The following GPR158 variants were observed in gnomAD, a reference collection of about 807,000 sequenced individuals.
GPR158 encodes the protein G protein-coupled receptor 158.
Under a neutral mutation model 78.2 loss-of-function variants are expected in GPR158, and 30 were observed. The ratio of observed to expected loss-of-function variants is 0.38; its 90% CI spans 0.29 to 0.52. The LOEUF is 0.52. Among genes scored for constraint, GPR158 ranks in the 20% least tolerant of loss-of-function variants. The pLI, the probability that GPR158 is intolerant of heterozygous loss-of-function variation, is 0.83. For synonymous variants in GPR158, 581 were observed against 591.1 expected (o/e 0.98, Z 0.25); for missense variants, 1,463 against 1,523.5 (o/e 0.96, Z 0.66).
chr10:25,387,443 A>G (rs907485824), intron 2 of GPR158, among the ~76,000 whole-genome samples: 8 of 151,958 alleles, frequency 5.3e-5, no homozygotes, highest in African/African-American at 9.7e-5. Context: ...TTCCAAGAGT[A>G]TACTTATCTG....
At chr10:25,558,068 T>A (rs1387712877) in intron 6 of GPR158, among the ~76,000 whole-genome samples, 1 of 152,260 alleles carries the variant, frequency 6.6e-6, no homozygotes, top group Non-Finnish European at 1.5e-5. Flanking sequence ...TTTATATACA[T>A]GTTCTAATTT....
chr10:25,490,281 T>G (rs1160858605), intron 5 of GPR158, among the ~76,000 whole-genome samples: 2 of 151,372 alleles, frequency 1.3e-5, no homozygotes, highest in Non-Finnish European at 2.9e-5. Flanking sequence ...CATACACTTT[T>G]TTTTTGGATT....
At chr10:25,538,521 G>C (rs1836531075) in intron 5 of GPR158, among the ~76,000 whole-genome samples, 1 of 152,036 alleles carries the variant, frequency 6.6e-6, no homozygotes, top group African/African-American at 2.4e-5. Flanking sequence ...TCACTATACT[G>C]CCCAGACTGG....
At chr10:25,563,649 C>A (rs1282250684) in intron 6 of GPR158, among the ~76,000 whole-genome samples, 2 of 151,978 alleles carry the variant, frequency 1.3e-5, no homozygotes, top group African/African-American at 4.8e-5. Context: ...AAATTTATAA[C>A]AGTTTAGTTC....
chr10:25,410,090 C>G (rs2130546359), intron 3 of GPR158, among the ~76,000 whole-genome samples: 1 of 152,202 alleles, frequency 6.6e-6, no homozygotes, highest in African/African-American at 2.4e-5. Context: ...TTTTATGACA[C>G]TGTAAATACT....
At chr10:25,586,388 T>C (rs936234474) in intron 7 of GPR158, among the ~76,000 whole-genome samples, 1 of 137,434 alleles carries the variant, frequency 7.3e-6, no homozygotes, top group Non-Finnish European at 1.6e-5. Flanking sequence ...TAGGTATGTG[T>C]GAATTTTTTT....
intron 5 of GPR158, among the ~76,000 whole-genome samples, chr10:25,542,081 G>A (rs943622748): frequency 4.0e-5 from 6 of 151,470 alleles, no homozygotes; most frequent in Non-Finnish European, 8.8e-5. Context: ...CTTGCCACTT[G>A]AGTCTGTTAC....
At chr10:25,262,811 G>A (rs770508740) in intron 2 of GPR158, among the ~76,000 whole-genome samples, 1 of 152,194 alleles carries the variant, frequency 6.6e-6, no homozygotes, top group African/African-American at 2.4e-5. Flanking sequence ...ACAGTGATAT[G>A]TATCTACCAT....
intron 3 of GPR158, among the ~76,000 whole-genome samples, chr10:25,411,377 A>C (rs1189903702): frequency 6.6e-6 from 1 of 152,190 alleles, no homozygotes; most frequent in Admixed American, 6.5e-5. Context: ...TGCACACTGA[A>C]CAACTGTCAA....
At chr10:25,455,758 G>A (rs118023471) in intron 4 of GPR158, among the ~76,000 whole-genome samples, 36 of 152,156 alleles carry the variant, frequency 2.4e-4, no homozygotes, top group Non-Finnish European at 2.1e-4. Flanking sequence ...TTAATAATTC[G>A]CTGATAAGCA....
chr10:25,244,447 G>T (rs1259447917), intron 2 of GPR158: 1 of 152,154 alleles, frequency 6.6e-6, no homozygotes, highest in African/African-American at 2.4e-5. Flanking sequence ...ACTCTATAGT[G>T]CTACCTATGT....
At chr10:25,268,711 C>T (rs1854075260) in intron 2 of GPR158, among the ~76,000 whole-genome samples, 1 of 152,080 alleles carries the variant, frequency 6.6e-6, no homozygotes, top group African/African-American at 2.4e-5. Flanking sequence ...GAAGTGGAGT[C>T]AGAGATTGGG....
intron 6 of GPR158, among the ~76,000 whole-genome samples, chr10:25,558,364 G>A (rs1836813266): frequency 6.6e-6 from 1 of 152,152 alleles, no homozygotes; most frequent in African/African-American, 2.4e-5. Flanking sequence ...TTCAAATCTT[G>A]TATACCCTCA....
chr10:25,579,585 T>C (rs1837159238), intron 7 of GPR158, among the ~76,000 whole-genome samples: 1 of 152,150 alleles, frequency 6.6e-6, no homozygotes, highest in Non-Finnish European at 1.5e-5. Flanking sequence ...CAAGATAAGC[T>C]AGAACAAGTG....
chr10:25,447,751 TTTTATC>T (rs1177640332), intron 4 of GPR158, among the ~76,000 whole-genome samples: 5 of 152,238 alleles, frequency 3.3e-5, no homozygotes, highest in African/African-American at 1.2e-4. Flanking sequence ...TCTATTGACT[TTTTATC>T]TTTAATCACT....
chr10:25,282,356 A>G (rs1367059132), intron 2 of GPR158, among the ~76,000 whole-genome samples: 1 of 152,204 alleles, frequency 6.6e-6, no homozygotes, highest in Non-Finnish European at 1.5e-5. Flanking sequence ...GGATTGTAAC[A>G]TAATATCCAT....
At position 25,176,435 on chromosome 10, in the gene GPR158, A is replaced by C; in HGVS notation, c.902+113A>C. 18 of 888,604 alleles carry C rather than the reference A, an allele frequency of 2.0e-5. No homozygotes were observed. Among genetic ancestry groups the C allele is most frequent in the East Asian group, 2.6e-5 (1 of 38,660 alleles). The allele number at this position is 888,604 out of a possible 1,614,324, so 55.0% of individuals were successfully genotyped here. A position where few individuals can be genotyped will look rare whatever the true frequency, so the allele number is the denominator to read the frequency against. On this transcript the variant is annotated intron_variant, in intron 1 of 10. Transcript: ENST00000376351. This position sits in a 1 kb window ranked among gnomAD's most constrained non-coding sequence, Gnocchi z 6.3. ...CTTGGCTGTGACGCGAACGCTTCTCACCCTCAGAGTAGAGACCCGGGCTGA... is the reference window on the plus strand; with the variant it reads ...CTTGGCTGTGACGCGAACGCTTCTCCCCCTCAGAGTAGAGACCCGGGCTGA...
rs562929160 is a variant in GPR158 at position 25,444,904 on chromosome 10, T to G, written c.1336-21747T>G. On this transcript the variant is annotated intron_variant, in intron 4 of 10. Coordinates refer to ENST00000376351, the MANE Select transcript of GPR158 (RefSeq NM_020752.3). ...AAAAGCTCCAGATCATGAGACTTCTTAAGGAGGGGACTCAACTTCTCTGAT... is the reference window on the plus strand; with the variant it reads ...AAAAGCTCCAGATCATGAGACTTCTGAAGGAGGGGACTCAACTTCTCTGAT... Among the ~76,000 whole-genome samples the G allele has an allele frequency of 4.9e-4, 74 of 152,276 alleles. No individual in the cohort carries two copies. In the South Asian group the frequency reaches 0.015, roughly 31 times the overall value.
At chr10:25,209,153 A>G (rs955411669) in intron 1 of GPR158, among the ~76,000 whole-genome samples, 2 of 152,062 alleles carry the variant, frequency 1.3e-5, no homozygotes, top group Non-Finnish European at 1.5e-5. Context: ...GCGCCCAGCC[A>G]CTTCCTGTTT....
Sources: gnomAD v4.1 joint callset for allele counts (sites outside exome capture counted in the v4.1 genomes callset) on GRCh38, gnomAD v4.1.1 for gene constraint, Gnocchi (gnomAD v3.1) non-coding constraint, MANE v1.5 for transcripts, NCBI Gene and HGNC (gene_info 2026-07-23, HGNC 2026-07-21) for gene names.